Variants in COG5 observed in about 807,000 individuals in gnomAD.
The protein encoded by COG5 is conserved oligomeric Golgi complex subunit 5.
Under a neutral mutation model 110.4 loss-of-function variants are expected in COG5, and 86 were observed. The ratio of observed to expected loss-of-function variants is 0.78; its 90% CI spans 0.65 to 0.93. The LOEUF (loss-of-function observed/expected upper bound fraction) is 0.93. Among genes scored for constraint, COG5 ranks in the 40% least tolerant of loss-of-function variants. COG5 has a pLI of 0.00. For missense variants in COG5, 1,077 were observed against 987.0 expected (o/e 1.09, Z -1.22); for synonymous variants, 360 against 334.6 (o/e 1.08, Z -0.83).
At chr7:107,392,222 C>G (rs1194483443) in intron 7 of COG5, among the ~76,000 whole-genome samples, 1 of 152,142 alleles carries the variant, frequency 6.6e-6, no homozygotes, top group Non-Finnish European at 1.5e-5. Context: ...ATTCCAAGGA[C>G]AGAAAACCCA....
rs1584955039 is a variant in COG5, at chr7:107,547,886, A to G, written c.417+225T>C. On this transcript the variant is annotated intron_variant, in intron 5 of 21. Transcript: ENST00000297135. ...ATTGATGAAAGAAATTGAAGAAGATATAAGTTAATAAACAATTATACACTG... is the reference window on the plus strand; with the variant it reads ...ATTGATGAAAGAAATTGAAGAAGATGTAAGTTAATAAACAATTATACACTG... The G allele has an allele frequency of 9.7e-6, 5 of 514,078 alleles. 1 individual carries two copies. The highest frequency in any genetic ancestry group is 6.4e-5 in the East Asian group (2 of 31,456). 31.8% of individuals were successfully genotyped at this position (514,078 alleles called of 1,614,324 possible).
At chr7:107,435,932 A>G (rs1794336846) in intron 6 of COG5, among the ~76,000 whole-genome samples, 1 of 152,248 alleles carries the variant, frequency 6.6e-6, no homozygotes, top group Admixed American at 6.5e-5. Flanking sequence ...AAAATGTGGT[A>G]TACATACACA....
chr7:107,384,119 C>A (rs1228838591), intron 7 of COG5, among the ~76,000 whole-genome samples: 1 of 152,092 alleles, frequency 6.6e-6, no homozygotes, highest in Non-Finnish European at 1.5e-5. Context: ...GCCTTCAAGC[C>A]ATCAGACTCC....
chr7:107,205,650 C>T (rs758066196), intron 21 of COG5, among the ~76,000 whole-genome samples: 2 of 152,198 alleles, frequency 1.3e-5, no homozygotes, highest in Non-Finnish European at 2.9e-5. Flanking sequence ...ACATTATCTT[C>T]CTTATCCTTA....
In COG5 at chr7:107,365,607, AAAAAAAAAAAAAAAAG is replaced by A. The variant is rs1176509672; in HGVS notation, c.836-3203_836-3188del. Among the ~76,000 whole-genome samples the A allele has an allele frequency of 1.6e-3, 239 of 149,710 alleles. 1 individual carries two copies. The highest frequency in any genetic ancestry group is 5.3e-3 in the African/African-American group (217 of 41,176). ...ACATTGCAAAATGACAAAAAAAAAA[AAAAAAAAAAAAAAAAG>A]AAAAGCTGAAGGAAAATCATAAGGA... is the stretch of plus-strand genomic sequence containing the variant. On this transcript the variant is annotated intron_variant, in intron 8 of 21. Coordinates refer to ENST00000297135, the MANE Select transcript of COG5 (RefSeq NM_006348.5).
Position 107,258,450 on chromosome 7 carries a change from T to TCTTA in COG5, c.1576-68_1576-67insTAAG, listed in dbSNP as rs142552893. Reference sequence around the variant, plus strand: ...TTCTCTCTCTCTCTCTCTCTCTCTCTCACACACACACATACACACACACAC... The same window carrying TCTTA: ...TTCTCTCTCTCTCTCTCTCTCTCTCTCTTACACACACACACATACACACACACAC... On this transcript the variant is annotated intron_variant, in intron 14 of 21. Coordinates refer to ENST00000297135, the MANE Select transcript of COG5 (RefSeq NM_006348.5). The TCTTA allele has an allele frequency of 1.3e-5, 9 of 704,294 alleles. No individual in the cohort carries two copies. In the Middle Eastern group the frequency reaches 1.0e-3, roughly 79 times the overall value. 43.6% of individuals were successfully genotyped at this position (704,294 alleles called of 1,614,324 possible). A position where few individuals can be genotyped will look rare whatever the true frequency, so the allele number is the denominator to read the frequency against.
intron 6 of COG5, among the ~76,000 whole-genome samples, chr7:107,431,897 C>T (rs1175919755): frequency 6.6e-6 from 1 of 152,126 alleles, no homozygotes; most frequent in Non-Finnish European, 1.5e-5. Flanking sequence ...TTCAAACAAT[C>T]TGCCTGCCCT....
chr7:107,252,608 T>C (rs1744979500), intron 16 of COG5, among the ~76,000 whole-genome samples: 1 of 152,162 alleles, frequency 6.6e-6, no homozygotes, highest in Non-Finnish European at 1.5e-5. Flanking sequence ...GAAAATTTTA[T>C]GACAATATAC....
At chr7:107,462,536 A>G (rs899356624) in intron 6 of COG5, among the ~76,000 whole-genome samples, 1 of 151,460 alleles carries the variant, frequency 6.6e-6, no homozygotes, top group Non-Finnish European at 1.5e-5. Flanking sequence ...CTTAAACCCC[A>G]GAGGGAAAGG....
chr7:107,403,750 C>T (rs1791610440), intron 7 of COG5, among the ~76,000 whole-genome samples: 1 of 152,072 alleles, frequency 6.6e-6, no homozygotes, highest in African/African-American at 2.4e-5. Context: ...ACCTTCATGA[C>T]CTGTTTACCT....
At chr7:107,375,565 G>A (rs983788975) in intron 7 of COG5, among the ~76,000 whole-genome samples, 1 of 151,922 alleles carries the variant, frequency 6.6e-6, no homozygotes, top group African/African-American at 2.4e-5. Flanking sequence ...TGAGTACTAT[G>A]ATTTTAATTT....
At chr7:107,272,365 A>G (rs1442320457) in intron 14 of COG5, among the ~76,000 whole-genome samples, 1 of 152,148 alleles carries the variant, frequency 6.6e-6, no homozygotes, top group Non-Finnish European at 1.5e-5. Flanking sequence ...ACCTTTCCGG[A>G]TGGAACCACT....
At chr7:107,303,481 A>G (rs567995088) in intron 11 of COG5, among the ~76,000 whole-genome samples, 1 of 152,116 alleles carries the variant, frequency 6.6e-6, no homozygotes, top group Non-Finnish European at 1.5e-5. Flanking sequence ...ACGCTGGAGT[A>G]CAGTGGCACA....
chr7:107,410,359 G>A (rs916868148), intron 7 of COG5, among the ~76,000 whole-genome samples: 3 of 152,116 alleles, frequency 2.0e-5, no homozygotes, highest in African/African-American at 7.2e-5. Flanking sequence ...CCAGAGAAGG[G>A]GACAGACATG....
In COG5 at chr7:107,331,158, ACC is replaced by A. The variant is rs1328051607; in HGVS notation, c.1027-6639_1027-6638del. Among the ~76,000 whole-genome samples, 13 of 152,270 alleles carry A rather than the reference ACC, an allele frequency of 8.5e-5. No individual in the cohort carries two copies. The South Asian group carries it at 2.5e-3, about 29-fold the overall frequency. ...CGCTTGAGAGTTTTAATAAGATAATACCATGATCAAGCTGTGCTATAAGAAAA... is the reference window on the plus strand; with the variant it reads ...CGCTTGAGAGTTTTAATAAGATAATAATGATCAAGCTGTGCTATAAGAAAA... On this transcript the variant is annotated intron_variant, in intron 10 of 21. Transcript: ENST00000297135.
chr7:107,294,970 TATATATACAC>T (rs1806533262), intron 12 of COG5, among the ~76,000 whole-genome samples: 1 of 135,068 alleles, frequency 7.4e-6, no homozygotes, highest in South Asian at 2.3e-4. Context: ...TACACACATA[TATATATACAC>T]ATATATACAC....
At chr7:107,470,255 A>G (rs1260293384) in intron 6 of COG5, 3 of 152,238 alleles carry the variant, frequency 2.0e-5, no homozygotes, top group Non-Finnish European at 4.4e-5. Context: ...AAGCAGCACT[A>G]CATGTTCCAT....
At chr7:107,350,808 T>TC (rs1403018787) in intron 10 of COG5, among the ~76,000 whole-genome samples, 1 of 152,168 alleles carries the variant, frequency 6.6e-6, no homozygotes, top group Non-Finnish European at 1.5e-5. Flanking sequence ...TCTTGCTACA[T>TC]CCCCAAAGCA....
chr7:107,281,114 G>T (rs1805128580), intron 14 of COG5, among the ~76,000 whole-genome samples, 186 bp downstream of exon 14: 1 of 152,012 alleles, frequency 6.6e-6, no homozygotes, highest in African/African-American at 2.4e-5. Flanking sequence ...CAATGTGTAG[G>T]AGGGCCATTT....
Sources: gnomAD v4.1 joint callset for allele counts (sites outside exome capture counted in the v4.1 genomes callset) on GRCh38, gnomAD v4.1.1 for gene constraint, MANE v1.5 for transcripts, NCBI Gene and HGNC (gene_info 2026-07-23, HGNC 2026-07-21) for gene names.